Variants in NELL2 observed in about 807,000 individuals in gnomAD.
The protein encoded by NELL2 is neural EGFL like 2, also known as protein kinase C-binding protein NELL2.
A neutral mutation model predicts 109.6 loss-of-function variants in NELL2; 41 were observed. The ratio of observed to expected loss-of-function variants is 0.37; its 90% CI spans 0.29 to 0.49. NELL2 has a LOEUF of 0.49. NELL2 is among the 20% of genes least tolerant of loss of function. The pLI is 0.98. For synonymous variants in NELL2, 355 were observed against 344.7 expected, an observed-to-expected ratio of 1.03 and a Z score of -0.33; for missense variants, 900 against 1,008.3, an observed-to-expected ratio of 0.89 and a Z score of 1.45.
At chr12:44,744,682 C>T (rs1410549083) in intron 9 of NELL2, among the ~76,000 whole-genome samples, 1 of 152,168 alleles carries the variant, frequency 6.6e-6, no homozygotes, top group African/African-American at 2.4e-5. Context: ...CAACTCTACG[C>T]AAATAAACTA....
At chr12:44,739,710 G>T (rs1399900977) in intron 9 of NELL2, among the ~76,000 whole-genome samples, 1 of 152,106 alleles carries the variant, frequency 6.6e-6, no homozygotes, top group Admixed American at 6.6e-5. Flanking sequence ...GGCCAACATG[G>T]TGAAACCTCA....
chr12:44,514,562 G>A (rs887239719), intron 19 of NELL2, among the ~76,000 whole-genome samples: 1 of 142,260 alleles, frequency 7.0e-6, no homozygotes, highest in African/African-American at 3.0e-5. Flanking sequence ...CTCTTACTGT[G>A]CCAACTTATA....
intron 13 of NELL2, among the ~76,000 whole-genome samples, chr12:44,661,615 C>T (rs954803357): frequency 4.6e-5 from 7 of 152,088 alleles, no homozygotes; most frequent in African/African-American, 1.7e-4. Flanking sequence ...TTCCATTACT[C>T]AAGGCCAGTT....
chr12:44,683,350 T>C (rs1473409926), intron 12 of NELL2, among the ~76,000 whole-genome samples: 3 of 144,408 alleles, frequency 2.1e-5, no homozygotes, highest in Admixed American at 2.0e-4. Context: ...AGATATACTA[T>C]CATGTCGTCT....
At chr12:44,541,041 C>G (rs967693747) in intron 15 of NELL2, among the ~76,000 whole-genome samples, 12 of 151,090 alleles carry the variant, frequency 7.9e-5, no homozygotes, top group African/African-American at 2.9e-4. Context: ...GTCAGGAGAT[C>G]GAGACCATCC....
At chr12:44,587,311 T>A (rs4768064) in intron 15 of NELL2, among the ~76,000 whole-genome samples, 36,654 of 79,206 alleles carry the variant, frequency 0.46, 10,789 homozygotes, top group East Asian at 0.93. Context: ...ATATATATTT[T>A]TTTTTAAATA....
chr12:44,684,106 G>T (rs1327785087), intron 12 of NELL2, among the ~76,000 whole-genome samples: 2 of 152,144 alleles, frequency 1.3e-5, no homozygotes, highest in Non-Finnish European at 2.9e-5. Context: ...GCCTGTTATT[G>T]GTCTATTCAG....
Position 44,711,443 on chromosome 12 carries a change from G to GT in NELL2, c.1087-50dup, listed in dbSNP as rs1938198173. The GT allele has an allele frequency of 4.0e-6, 6 of 1,489,986 alleles. No individual in the cohort carries two copies. The East Asian group carries it at 1.4e-4, about 34-fold the overall frequency. 92.3% of individuals were successfully genotyped at this position (1,489,986 alleles called of 1,614,324 possible). ...GCTTCAAATTTTATCATTAGGACTT[G>GT]TTAAGAAGTTTCCAGATCCAGCATC... On this transcript the variant is annotated intron_variant, in intron 10 of 19. Coordinates refer to ENST00000429094, the MANE Select transcript of NELL2 (RefSeq NM_001145108.2).
chr12:44,848,646 T>TGAAC (rs1246828635), intron 2 of NELL2, among the ~76,000 whole-genome samples: 2 of 152,018 alleles, frequency 1.3e-5, no homozygotes, highest in Non-Finnish European at 2.9e-5. Context: ...TCTCTCCTCA[T>TGAAC]GAACTGTCAT....
intron 3 of NELL2, among the ~76,000 whole-genome samples, chr12:44,784,843 A>G (rs1942103291): frequency 6.6e-6 from 1 of 152,226 alleles, no homozygotes; most frequent in South Asian, 2.1e-4. Flanking sequence ...CCTTCATGCT[A>G]AAAACACTCA....
At chr12:44,549,683 T>C (rs938745375) in intron 15 of NELL2, among the ~76,000 whole-genome samples, 8 of 152,186 alleles carry the variant, frequency 5.3e-5, no homozygotes, top group African/African-American at 1.9e-4. Flanking sequence ...TCAAAAAGAA[T>C]AAAATACTTT....
chr12:44,889,840 T>G (rs1413959851), intron 1 of NELL2, among the ~76,000 whole-genome samples: 2 of 152,236 alleles, frequency 1.3e-5, no homozygotes, highest in Admixed American at 1.3e-4. Context: ...GAAAATTTAT[T>G]AAGTTCAGTC....
Position 44,508,848 on chromosome 12 carries a change from A to G in NELL2, c.*86T>C, listed in dbSNP as rs956097534. 2 of 1,171,280 alleles carry G rather than the reference A, an allele frequency of 1.7e-6. No homozygotes were observed. Among genetic ancestry groups the G allele is most frequent in the East Asian group, 2.4e-5 (1 of 42,190 alleles). The allele number at this position is 1,171,280 out of a possible 1,614,324, so 72.6% of individuals were successfully genotyped here. On this transcript the variant is annotated 3_prime_UTR_variant, in exon 20 of 20. Transcript: ENST00000429094. ...CAAAGCTGCATTTAGCTGCCCACAA[A>G]TCACCCAATTTAAGTTTTAACTTCT...
intron 19 of NELL2, 52 bp downstream of exon 19, chr12:44,519,953 G>C (rs1465763554): frequency 6.8e-7 from 1 of 1,475,398 alleles, no homozygotes; most frequent in African/African-American, 1.4e-5. Flanking sequence ...TTATCTATGA[G>C]CCCTGGGTGC....
intron 2 of NELL2, among the ~76,000 whole-genome samples, chr12:44,858,876 G>C: frequency 6.6e-6 from 1 of 152,150 alleles, no homozygotes; most frequent in Non-Finnish European, 1.5e-5. Context: ...TAACCAGAAT[G>C]ATAAGTACTT....
intron 11 of NELL2, among the ~76,000 whole-genome samples, chr12:44,705,016 CAAAA>C (rs11380443): frequency 1.5e-4 from 15 of 103,312 alleles, no homozygotes; most frequent in Non-Finnish European, 1.6e-4. Flanking sequence ...AGGACTCCAT[CAAAA>C]AAAAAAAAAA....
chr12:44,816,362 C>CT (rs1322829067), intron 2 of NELL2, among the ~76,000 whole-genome samples: 5 of 152,092 alleles, frequency 3.3e-5, no homozygotes. Context: ...TTTCAGGAAT[C>CT]TTTTTTCAAA....
At chr12:44,548,020 C>T (rs537403173) in intron 15 of NELL2, among the ~76,000 whole-genome samples, 12 of 152,176 alleles carry the variant, frequency 7.9e-5, no homozygotes, top group African/African-American at 2.9e-4. Context: ...AAATGTGAGC[C>T]CTTAGAGGAC....
chr12:44,672,493 CA>C (rs535299148), intron 12 of NELL2, among the ~76,000 whole-genome samples: 122 of 152,310 alleles, frequency 8.0e-4, no homozygotes, highest in African/African-American at 2.8e-3. Flanking sequence ...TTGTGTTCCA[CA>C]AAACCAGTCC....
Sources: allele counts gnomAD v4.1 joint callset (sites outside exome capture counted in the v4.1 genomes callset), GRCh38; gene constraint gnomAD v4.1.1; transcripts MANE v1.5; gene names NCBI Gene and HGNC (gene_info 2026-07-23, HGNC 2026-07-21).